THSD7A: variants seen among roughly 807,000 people sequenced by gnomAD.
THSD7A encodes thrombospondin type 1 domain containing 7A, also known as thrombospondin type-1 domain-containing protein 7A.
Under a neutral mutation model 231.3 loss-of-function variants are expected in THSD7A, and 96 were observed. The ratio of observed to expected loss-of-function variants is 0.41; its 90% confidence interval spans 0.35 to 0.49. THSD7A has a LOEUF of 0.49. Among genes scored for constraint, THSD7A ranks in the 20% least tolerant of loss-of-function variants. THSD7A has a pLI of 0.05. For missense variants in THSD7A, 2,290 were observed against 2,070.2 expected (o/e 1.11, Z -2.06); for synonymous variants, 940 against 743.3 (o/e 1.26, Z -4.30).
At chr7:11,559,507 A>ATATATATAAATCC (rs1300138194) in intron 4 of THSD7A, among the ~76,000 whole-genome samples, 1 of 148,146 alleles carries the variant, frequency 6.8e-6, no homozygotes, top group Admixed American at 6.7e-5. Flanking sequence ...ATACATATAC[A>ATATATATAAATCC]TATATATAAA....
intron 11 of THSD7A, 90 bp from the exon 12 acceptor site, chr7:11,447,514 C>A (rs1785011584): frequency 3.6e-6 from 4 of 1,120,906 alleles, no homozygotes; most frequent in Non-Finnish European, 4.9e-6. Flanking sequence ...GTTAAGCAGT[C>A]AGAGAAAGCC....
intron 6 of THSD7A, among the ~76,000 whole-genome samples, chr7:11,494,173 G>A (rs1562655283): frequency 6.6e-6 from 1 of 151,898 alleles, no homozygotes; most frequent in South Asian, 2.1e-4. Flanking sequence ...GATGTGGGCT[G>A]GTCTGCATGG....
At chr7:11,586,496 T>C (rs1779909611) in intron 4 of THSD7A, among the ~76,000 whole-genome samples, 2 of 152,198 alleles carry the variant, frequency 1.3e-5, no homozygotes, top group South Asian at 4.1e-4. Context: ...AAAATATTCT[T>C]ACCTACCTTT....
intron 2 of THSD7A, among the ~76,000 whole-genome samples, chr7:11,612,521 T>G (rs1780970248): frequency 1.3e-5 from 2 of 152,212 alleles, no homozygotes; most frequent in Non-Finnish European, 2.9e-5. Context: ...ATATATGTGT[T>G]TCCTTGAGAC....
intron 1 of THSD7A, among the ~76,000 whole-genome samples, chr7:11,724,429 A>C (rs1228959732): frequency 6.6e-6 from 1 of 151,936 alleles, no homozygotes; most frequent in African/African-American, 2.4e-5. Flanking sequence ...TATTGACAGC[A>C]GAGAGCTCTG....
At chr7:11,620,584 G>C (rs2128353068) in intron 2 of THSD7A, among the ~76,000 whole-genome samples, 1 of 152,218 alleles carries the variant, frequency 6.6e-6, no homozygotes, top group Non-Finnish European at 1.5e-5. Flanking sequence ...CTCATCCTTT[G>C]GTAACCTCCA....
intron 1 of THSD7A, among the ~76,000 whole-genome samples, chr7:11,666,334 A>G (rs1383814665): frequency 6.6e-6 from 1 of 152,066 alleles, no homozygotes; most frequent in African/African-American, 2.4e-5. Context: ...GTAATTTTAA[A>G]CAACATTTTG....
At chr7:11,462,873 T>C (rs1445895738) in intron 9 of THSD7A, among the ~76,000 whole-genome samples, 3 of 152,174 alleles carry the variant, frequency 2.0e-5, no homozygotes, top group African/African-American at 4.8e-5. Context: ...ACAGTATGAC[T>C]GATGTAAGGA....
At chr7:11,503,733 G>T (rs768359343) in intron 6 of THSD7A, among the ~76,000 whole-genome samples, 19 of 152,164 alleles carry the variant, frequency 1.2e-4, no homozygotes, top group Non-Finnish European at 2.8e-4. Flanking sequence ...GATCATTAGA[G>T]AAATGCAAAT....
chr7:11,746,070 C>A (rs1237872626), intron 1 of THSD7A, among the ~76,000 whole-genome samples: 4 of 151,432 alleles, frequency 2.6e-5, no homozygotes, highest in African/African-American at 9.8e-5. Flanking sequence ...ATTCTTCCTA[C>A]CCATGAGCAT....
At chr7:11,654,526 G>A (rs1333660906) in intron 1 of THSD7A, among the ~76,000 whole-genome samples, 1 of 151,936 alleles carries the variant, frequency 6.6e-6, no homozygotes, top group Non-Finnish European at 1.5e-5. Context: ...TAGGGAGTCA[G>A]TAATTAACAT....
At chr7:11,734,615 T>G (rs1272312376) in intron 1 of THSD7A, among the ~76,000 whole-genome samples, 5 of 151,972 alleles carry the variant, frequency 3.3e-5, no homozygotes, top group African/African-American at 1.2e-4. Context: ...CAAACACCTG[T>G]AGTATTCTTT....
At chr7:11,820,352 C>A in intron 1 of THSD7A, 1 of 1,083,216 alleles carries the variant, frequency 9.2e-7, no homozygotes, top group Non-Finnish European at 1.3e-6. Flanking sequence ...TCCTTCTCTT[C>A]TCTGTTCTCT....
intron 2 of THSD7A, among the ~76,000 whole-genome samples, chr7:11,618,084 G>T (rs1275202277): frequency 6.6e-6 from 1 of 152,082 alleles, no homozygotes; most frequent in African/African-American, 2.4e-5. Context: ...CCACACCTAG[G>T]AATATGTCCT....
At chr7:11,732,051 C>T (rs1238193890) in intron 1 of THSD7A, among the ~76,000 whole-genome samples, 2 of 151,572 alleles carry the variant, frequency 1.3e-5, no homozygotes, top group African/African-American at 4.8e-5. Flanking sequence ...AACAATGCTA[C>T]TTATTACTTA....
intron 24 of THSD7A, among the ~76,000 whole-genome samples, chr7:11,381,229 C>CA (rs1314378337): frequency 2.0e-5 from 3 of 151,934 alleles, no homozygotes; most frequent in Admixed American, 6.6e-5. Flanking sequence ...ATTTTTCTCC[C>CA]AAAAAATAAT....
chr7:11,539,033 T>C (rs1001986184), intron 6 of THSD7A, among the ~76,000 whole-genome samples: 1 of 152,218 alleles, frequency 6.6e-6, no homozygotes, highest in Non-Finnish European at 1.5e-5. Context: ...ATGCCCCTAG[T>C]CGAGCTTTAA....
At chr7:11,505,991 T>C (rs997972139) in intron 6 of THSD7A, among the ~76,000 whole-genome samples, 82 of 152,158 alleles carry the variant, frequency 5.4e-4, no homozygotes, top group African/African-American at 1.8e-3. Flanking sequence ...TAAATACAAT[T>C]TTATGAGAAC....
intron 9 of THSD7A, among the ~76,000 whole-genome samples, chr7:11,463,077 T>G (rs1785566126): frequency 6.6e-6 from 1 of 152,196 alleles, no homozygotes; most frequent in Non-Finnish European, 1.5e-5. Flanking sequence ...TTGCAAGATC[T>G]TCAAATATTT....
Sources: allele counts gnomAD v4.1 joint callset (sites outside exome capture counted in the v4.1 genomes callset), GRCh38; gene constraint gnomAD v4.1.1; transcripts MANE v1.5; gene names NCBI Gene and HGNC (gene_info 2026-07-23, HGNC 2026-07-21).